Variants in LRRC4C observed in about 807,000 individuals in gnomAD.
LRRC4C encodes the protein leucine rich repeat containing 4C.
A neutral mutation model predicts 33.6 loss-of-function variants in LRRC4C; 5 were observed. The observed-to-expected ratio is 0.15, with a 90% CI of 0.08 to 0.31. The LOEUF (loss-of-function observed/expected upper bound fraction) is 0.31, where lower values mean the gene tolerates loss of function less well. Ranked by LOEUF, LRRC4C falls within the 10% of genes least tolerant of loss-of-function variation. LRRC4C has a pLI of 1.00. For missense variants in LRRC4C, 560 were observed against 796.7 expected (o/e 0.70, Z 3.58); for synonymous variants, 329 against 302.0 (o/e 1.09, Z -0.93).
chr11:41,214,789 ATG>A (rs978068944), intron 1 of LRRC4C, among the ~76,000 whole-genome samples: 6 of 144,286 alleles, frequency 4.2e-5, no homozygotes, highest in African/African-American at 1.6e-4. Flanking sequence ...ACATATATAT[ATG>A]TGTGTATATA....
intron 5 of LRRC4C, among the ~76,000 whole-genome samples, chr11:40,154,940 A>G (rs538642975): frequency 4.4e-4 from 67 of 152,218 alleles, no homozygotes; most frequent in Non-Finnish European, 7.6e-4. Context: ...TCCAAGGTAG[A>G]CCATATGATA....
At chr11:40,257,949 C>T (rs1031067247) in intron 4 of LRRC4C, among the ~76,000 whole-genome samples, 4 of 152,150 alleles carry the variant, frequency 2.6e-5, no homozygotes, top group Non-Finnish European at 5.9e-5. Context: ...CTATTGCTAA[C>T]GGCTATAACA....
intron 5 of LRRC4C, among the ~76,000 whole-genome samples, chr11:40,237,954 C>T (rs1012099030): frequency 6.6e-6 from 1 of 152,152 alleles, no homozygotes; most frequent in Non-Finnish European, 1.5e-5. Context: ...ACAAAAAATT[C>T]AGAGTCACAT....
chr11:40,760,058 A>G (rs1318717268), intron 2 of LRRC4C, among the ~76,000 whole-genome samples: 1 of 151,898 alleles, frequency 6.6e-6, no homozygotes, highest in Non-Finnish European at 1.5e-5. Flanking sequence ...TTTCTTTTCC[A>G]GATTGAGGTG....
In LRRC4C at chr11:40,116,126, T is replaced by A; in HGVS notation, c.167A>T (p.Gln56Leu). 1 of 1,614,096 alleles carries A rather than the reference T, an allele frequency of 6.2e-7. No individual in the cohort carries two copies. The highest frequency in any genetic ancestry group is 8.5e-7 in the Non-Finnish European group (1 of 1,180,008). ...TCPSVCSCSN[Q>L]FSKVICVRKN... The stretch of plus-strand genomic sequence containing the variant: ...CCGAACACAAATCACCTTGCTGAAC[T>A]GGTTGCTGCAGGAGCACACAGAAGG... The change falls in exon 7 of 7, where the codon CAG (glutamine) becomes CTG (leucine). Residue 56 changes from glutamine to leucine, a missense_variant. Gln to Leu is a moderately radical substitution (Grantham distance 113). Transcript: ENST00000528697.
At chr11:40,280,720 T>G (rs1943415742) in intron 4 of LRRC4C, among the ~76,000 whole-genome samples, 1 of 152,208 alleles carries the variant, frequency 6.6e-6, no homozygotes, top group African/African-American at 2.4e-5. Context: ...TGTCAGAGAC[T>G]GCTGCTCTGC....
chr11:40,947,106 C>G (rs1170479390), intron 1 of LRRC4C, among the ~76,000 whole-genome samples: 1 of 151,966 alleles, frequency 6.6e-6, no homozygotes, highest in Non-Finnish European at 1.5e-5. Flanking sequence ...ATTGAATAAC[C>G]TTTGGAAATA....
chr11:41,443,088 C>CTT (rs1955693741), intron 1 of LRRC4C, among the ~76,000 whole-genome samples: 4 of 85,606 alleles, frequency 4.7e-5, no homozygotes, highest in African/African-American at 1.5e-4. Context: ...ATGTTTGCTT[C>CTT]ATTTTTTTTT....
intron 5 of LRRC4C, among the ~76,000 whole-genome samples, chr11:40,234,545 G>A (rs1223418040): frequency 2.0e-5 from 3 of 152,186 alleles, no homozygotes; most frequent in Non-Finnish European, 4.4e-5. Flanking sequence ...AAGGTAAGAA[G>A]ATCACTGGAG....
chr11:41,133,863 C>A (rs1943133676), intron 1 of LRRC4C, among the ~76,000 whole-genome samples: 1 of 152,118 alleles, frequency 6.6e-6, no homozygotes, highest in African/African-American at 2.4e-5. Context: ...ATAAAAGAAT[C>A]TATGAATCCA....
chr11:40,486,538 A>AGC (rs1248711538), intron 3 of LRRC4C, among the ~76,000 whole-genome samples: 2 of 152,060 alleles, frequency 1.3e-5, no homozygotes, highest in African/African-American at 4.8e-5. Flanking sequence ...TTTTTAAGGC[A>AGC]AAAGAGGAAA....
chr11:41,005,316 G>A (rs543359019), intron 1 of LRRC4C, among the ~76,000 whole-genome samples: 6 of 152,080 alleles, frequency 3.9e-5, no homozygotes, highest in Admixed American at 6.5e-5. Flanking sequence ...AAAAGGAGCC[G>A]CCCCTGGCTG....
intron 1 of LRRC4C, among the ~76,000 whole-genome samples, chr11:41,009,781 T>C (rs554096429): frequency 2.9e-4 from 44 of 152,268 alleles, no homozygotes; most frequent in African/African-American, 1.0e-3. Flanking sequence ...CATTTTCCAG[T>C]TTATCTCTAT....
chr11:41,090,980 T>C (rs925535810), intron 1 of LRRC4C, among the ~76,000 whole-genome samples: 2 of 152,080 alleles, frequency 1.3e-5, no homozygotes, highest in African/African-American at 4.8e-5. Flanking sequence ...CAGACTAATC[T>C]GCATATTAAT....
rs117344147 is a variant in LRRC4C at position 41,294,596 on chromosome 11, A to G, written c.-496+164835T>C. Among the ~76,000 whole-genome samples the G allele has an allele frequency of 5.0e-3, 762 of 152,344 alleles. 3 individuals carry two copies. Among genetic ancestry groups the G allele is most frequent in the Middle Eastern group, 0.034 (10 of 294 alleles). ...ATAATGCACAAGAATTTTAAGAGGT[A>G]AGATTTACTCTATCATATTATCCCA... is the stretch of plus-strand genomic sequence containing the variant. On this transcript the variant is annotated intron_variant, in intron 1 of 6. Transcript: ENST00000528697.
chr11:41,047,998 A>C (rs1336173759), intron 1 of LRRC4C, among the ~76,000 whole-genome samples: 1 of 152,060 alleles, frequency 6.6e-6, no homozygotes, highest in Non-Finnish European at 1.5e-5. Context: ...GAGCTCTTAA[A>C]CCACATTTTG....
intron 2 of LRRC4C, among the ~76,000 whole-genome samples, chr11:40,813,744 A>G (rs1170495990): frequency 2.0e-5 from 3 of 152,198 alleles, no homozygotes; most frequent in Non-Finnish European, 4.4e-5. Context: ...GGGTATCAGC[A>G]TTGGATAAAT....
intron 3 of LRRC4C, among the ~76,000 whole-genome samples, chr11:40,397,685 T>C (rs904267252): frequency 5.9e-5 from 9 of 152,058 alleles, no homozygotes; most frequent in African/African-American, 2.2e-4. Context: ...TTCAATATTG[T>C]CTAGCTGGAC....
intron 3 of LRRC4C, among the ~76,000 whole-genome samples, chr11:40,635,326 T>TC (rs1208204155): frequency 6.6e-6 from 1 of 152,156 alleles, no homozygotes; most frequent in Non-Finnish European, 1.5e-5. Context: ...CTAAAGCTTT[T>TC]CCAGATACAT....
Sources: gnomAD v4.1 joint callset for allele counts (sites outside exome capture counted in the v4.1 genomes callset) on GRCh38, gnomAD v4.1.1 for gene constraint, MANE v1.5 for transcripts, NCBI Gene and HGNC (gene_info 2026-07-23, HGNC 2026-07-21) for gene names.